The following RPS6KC1 variants were observed in gnomAD, a reference collection of about 807,000 sequenced individuals.
RPS6KC1 encodes ribosomal protein S6 kinase C1, also known as inactive ribosomal protein S6 kinase delta-1.
In RPS6KC1, 54 loss-of-function variants were observed where a neutral mutation model predicts 103.8. The ratio of observed to expected loss-of-function variants is 0.52; its 90% CI spans 0.42 to 0.65. The LOEUF is 0.65. RPS6KC1 is among the 30% of genes least tolerant of loss of function. The pLI, the probability that RPS6KC1 is intolerant of heterozygous loss-of-function variation, is 0.00. For synonymous variants in RPS6KC1, 439 were observed against 438.7 expected, an observed-to-expected ratio of 1.00 and a Z score of -0.01; for missense variants, 1,151 against 1,253.8, an observed-to-expected ratio of 0.92 and a Z score of 1.24.
rs147899834 is a variant in RPS6KC1 at position 213,177,021 on chromosome 1, A to G, written c.1044+529A>G. Among the ~76,000 whole-genome samples the G allele has an allele frequency of 1.4e-4, 22 of 152,284 alleles. No homozygotes were observed. In the East Asian group the frequency reaches 4.2e-3, roughly 29 times the overall value. On this transcript the variant is annotated intron_variant, in intron 8 of 14. Coordinates refer to ENST00000366960, the MANE Select transcript of RPS6KC1 (RefSeq NM_012424.6). ...CCCAAAGTCACATAGCTAATTTAGGATGGTGCTGGGATTTGAACATTACTT... is the reference window on the plus strand; with the variant it reads ...CCCAAAGTCACATAGCTAATTTAGGGTGGTGCTGGGATTTGAACATTACTT...
chr1:213,467,837 C>G, the RPS6KC1 span, among the ~76,000 whole-genome samples: 3 of 152,138 alleles, frequency 2.0e-5, no homozygotes, highest in Non-Finnish European at 4.4e-5. Context: ...TTGTTGGTGC[C>G]TTCTTTAGTG....
the RPS6KC1 span, among the ~76,000 whole-genome samples, chr1:213,443,365 T>A: frequency 6.6e-6 from 1 of 152,230 alleles, no homozygotes; most frequent in Non-Finnish European, 1.5e-5. Context: ...AAATCTGTGA[T>A]GTCCGTGATG....
At chr1:213,802,165 A>C in the RPS6KC1 span, among the ~76,000 whole-genome samples, 1 of 152,232 alleles carries the variant, frequency 6.6e-6, no homozygotes, top group Admixed American at 6.5e-5. Context: ...TAAATAAGCA[A>C]GTAAATGTGA....
At chr1:213,330,767 A>T in the RPS6KC1 span, among the ~76,000 whole-genome samples, 7 of 152,202 alleles carry the variant, frequency 4.6e-5, no homozygotes, top group Non-Finnish European at 7.3e-5. Flanking sequence ...CTCCGCGATC[A>T]CTTCTTTTCT....
intron 8 of RPS6KC1, among the ~76,000 whole-genome samples, chr1:213,227,492 G>T (rs1299779567): frequency 2.0e-5 from 3 of 152,196 alleles, no homozygotes; most frequent in Non-Finnish European, 4.4e-5. Flanking sequence ...ACAGTTACTG[G>T]GTTGAAATCA....
chr1:213,658,987 TG>T, the RPS6KC1 span, among the ~76,000 whole-genome samples: 1 of 151,934 alleles, frequency 6.6e-6, no homozygotes, highest in Non-Finnish European at 1.5e-5. Context: ...TTTTTTGAGA[TG>T]GAGTCTCCCT....
intron 3 of RPS6KC1, among the ~76,000 whole-genome samples, chr1:213,082,261 A>T (rs1032724321): frequency 3.9e-5 from 6 of 152,104 alleles, no homozygotes; most frequent in Middle Eastern, 3.4e-3. Flanking sequence ...TCTACTAAAA[A>T]TACAAAAAAG....
At chr1:213,440,593 TAA>T in the RPS6KC1 span, among the ~76,000 whole-genome samples, 1,476 of 100,368 alleles carry the variant, frequency 0.015, 15 homozygotes, top group African/African-American at 0.05. Context: ...TTAATGGAAC[TAA>T]AAAAAAAAAA....
the RPS6KC1 span, among the ~76,000 whole-genome samples, chr1:213,862,190 A>G: frequency 1.1e-4 from 17 of 152,314 alleles, no homozygotes; most frequent in East Asian, 3.1e-3. Context: ...CCCAGCCGCG[A>G]TAAGAATTTG....
chr1:213,151,953 TG>T (rs2089088483), intron 6 of RPS6KC1, among the ~76,000 whole-genome samples: 1 of 83,808 alleles, frequency 1.2e-5, no homozygotes, highest in African/African-American at 5.0e-5. Flanking sequence ...CCCTCCCGGA[TG>T]GGGCGGCTGG....
the RPS6KC1 span, among the ~76,000 whole-genome samples, chr1:213,469,928 C>T: frequency 2.3e-4 from 35 of 152,238 alleles, no homozygotes; most frequent in Non-Finnish European, 4.1e-4. Flanking sequence ...AAGGGTGAGG[C>T]AGGAGGACCG....
At chr1:213,572,377 A>G in the RPS6KC1 span, among the ~76,000 whole-genome samples, 2 of 152,250 alleles carry the variant, frequency 1.3e-5, no homozygotes, top group East Asian at 3.8e-4. Flanking sequence ...ATAGACACAC[A>G]TAGACATTCT....
In RPS6KC1 at chr1:213,272,672, T is replaced by A. The variant is rs2095073177; in HGVS notation, c.*38T>A. ...GTTATCTTCACACATTCTGATCTTC[T>A]CTGTGACAGGCATCTCCAGCACTGA... On this transcript the variant is annotated 3_prime_UTR_variant, in exon 15 of 15. Transcript: ENST00000366960. 2.0e-6 allele frequency: 3 copies of A among 1,479,190 alleles called. No individual in the cohort carries two copies. The highest frequency in any genetic ancestry group is 2.8e-6 in the Non-Finnish European group (3 of 1,057,920). The allele number at this position is 1,479,190 out of a possible 1,614,324, so 91.6% of individuals were successfully genotyped here. A position where few individuals can be genotyped will look rare whatever the true frequency, so the allele number is the denominator to read the frequency against.
At chr1:213,109,437 C>T (rs1027882860) in intron 4 of RPS6KC1, among the ~76,000 whole-genome samples, 11 of 152,008 alleles carry the variant, frequency 7.2e-5, no homozygotes, top group Non-Finnish European at 1.2e-4. Context: ...GTGCCCGGCC[C>T]GATATTCTGT....
intron 3 of RPS6KC1, among the ~76,000 whole-genome samples, chr1:213,083,493 G>C (rs955824329): frequency 6.6e-6 from 1 of 152,170 alleles, no homozygotes; most frequent in Non-Finnish European, 1.5e-5. Context: ...GTAGAGGGGA[G>C]GTAACTTGTC....
At chr1:213,240,672 T>G (rs1296640983) in intron 10 of RPS6KC1, 30 bp from the exon 11 acceptor site, 4 of 1,544,052 alleles carry the variant, frequency 2.6e-6, no homozygotes, top group African/African-American at 2.8e-5. Context: ...ATCTTAATAC[T>G]TTTGTTTGTT....
At chr1:213,431,576 T>C in the RPS6KC1 span, among the ~76,000 whole-genome samples, 1 of 152,170 alleles carries the variant, frequency 6.6e-6, no homozygotes, top group South Asian at 2.1e-4. Flanking sequence ...ATTATGTTTG[T>C]AAGATTCATT....
chr1:213,659,638 T>C, the RPS6KC1 span, among the ~76,000 whole-genome samples: 2 of 133,678 alleles, frequency 1.5e-5, no homozygotes, highest in Non-Finnish European at 3.2e-5. Context: ...GTATTCAGGG[T>C]TTTTTTTTTT....
chr1:213,657,344 G>A, the RPS6KC1 span, among the ~76,000 whole-genome samples: 1 of 152,236 alleles, frequency 6.6e-6, no homozygotes, highest in South Asian at 2.1e-4. Flanking sequence ...AATTTCAAGT[G>A]TGTAAGGAAC....
Sources: gnomAD v4.1 joint callset for allele counts (sites outside exome capture counted in the v4.1 genomes callset) on GRCh38, gnomAD v4.1.1 for gene constraint, MANE v1.5 for transcripts, NCBI Gene and HGNC (gene_info 2026-07-23, HGNC 2026-07-21) for gene names.